The following ST3GAL1 variants were observed in gnomAD, a reference collection of about 807,000 sequenced individuals.
The protein encoded by ST3GAL1 is ST3 beta-galactoside alpha-2,3-sialyltransferase 1.
A neutral mutation model predicts 34.1 loss-of-function variants in ST3GAL1; 16 were observed. The observed-to-expected ratio is 0.47, with a 90% CI of 0.32 to 0.71. The LOEUF (loss-of-function observed/expected upper bound fraction) is 0.71, where lower values mean the gene tolerates loss of function less well. ST3GAL1 is among the 30% of genes least tolerant of loss of function. ST3GAL1 has a pLI of 0.04. For synonymous variants in ST3GAL1, 191 were observed against 184.7 expected (o/e 1.03, Z -0.28); for missense variants, 353 against 447.4 (o/e 0.79, Z 1.90).
At chr8:133,566,474 CA>C (rs369139692) in intron 1 of ST3GAL1, among the ~76,000 whole-genome samples, 56 of 152,284 alleles carry the variant, frequency 3.7e-4, no homozygotes, top group African/African-American at 1.3e-3. Context: ...GGGACTCCCG[CA>C]TGCACAACTC....
At chr8:133,504,742 G>A (rs1817283662) in intron 2 of ST3GAL1, among the ~76,000 whole-genome samples, 1 of 152,194 alleles carries the variant, frequency 6.6e-6, no homozygotes, top group Non-Finnish European at 1.5e-5. Context: ...GCTGGGCAGG[G>A]AAGGCTTCGG....
At chr8:133,520,120 T>A (rs1383564532) in intron 2 of ST3GAL1, among the ~76,000 whole-genome samples, 3 of 152,082 alleles carry the variant, frequency 2.0e-5, no homozygotes, top group African/African-American at 7.2e-5. Context: ...CCAGGTAACG[T>A]TTGTGGGGGC....
rs568277934 is a variant in ST3GAL1 at position 133,480,707 on chromosome 8, GCAGA to G, written c.-373-4111_-373-4108del. ...GTCACACAGCAAAATGGTAGCAAAG[GCAGA>G]CTCCTGCCTTCTCCTGTGGCTTTCT... On this transcript the variant is annotated intron_variant, in intron 3 of 9. Coordinates refer to ENST00000522652, the MANE Select transcript of ST3GAL1 (RefSeq NM_173344.3). 2.2e-4 allele frequency among the ~76,000 whole-genome samples: 33 copies of G among 152,256 alleles called. No homozygotes were observed. The South Asian group carries it at 2.3e-3, about 11-fold the overall frequency.
chr8:133,530,984 G>A (rs1818134989), intron 2 of ST3GAL1, among the ~76,000 whole-genome samples: 1 of 152,118 alleles, frequency 6.6e-6, no homozygotes. Context: ...TGAGGGCAGG[G>A]GTCCGCAGAC....
chr8:133,494,095 G>A (rs986301067), intron 3 of ST3GAL1, among the ~76,000 whole-genome samples: 3 of 152,162 alleles, frequency 2.0e-5, no homozygotes, highest in East Asian at 1.9e-4. Flanking sequence ...AAACCTAGAA[G>A]GATAAATTAT....
chr8:133,491,828 A>G (rs1249014116), intron 3 of ST3GAL1, among the ~76,000 whole-genome samples: 4 of 152,160 alleles, frequency 2.6e-5, no homozygotes, highest in Non-Finnish European at 5.9e-5. Flanking sequence ...CACGGTGTCC[A>G]GTTGGATCAC....
chr8:133,540,842 C>CATATATAGAGACAT lies in ST3GAL1; in HGVS notation c.-429+4931_-429+4932insATGTCTCTATATAT, dbSNP rs1478666797. On this transcript the variant is annotated intron_variant, in intron 2 of 9. Coordinates refer to ENST00000522652, the MANE Select transcript of ST3GAL1 (RefSeq NM_173344.3). ...ATATATAGACATATATATAGAGAGA[C>CATATATAGAGACAT]ATATATATAGAGACATATATATAGA... Among the ~76,000 whole-genome samples the CATATATAGAGACAT allele has an allele frequency of 2.5e-5, 2 of 78,590 alleles. 1 individual carries two copies. The highest frequency in any genetic ancestry group is 9.6e-5 in the African/African-American group (2 of 20,858). 51.6% of individuals were successfully genotyped at this position (78,590 alleles called of 152,430 possible). A position where few individuals can be genotyped will look rare whatever the true frequency, so the allele number is the denominator to read the frequency against.
intron 2 of ST3GAL1, among the ~76,000 whole-genome samples, chr8:133,515,184 G>C (rs1287496394): frequency 6.6e-6 from 1 of 152,202 alleles, no homozygotes; most frequent in Non-Finnish European, 1.5e-5. Flanking sequence ...TCTTGCAAGA[G>C]AGCTCGCTCC....
chr8:133,484,060 T>C (rs989726557), intron 3 of ST3GAL1, among the ~76,000 whole-genome samples: 13 of 152,120 alleles, frequency 8.5e-5, no homozygotes, highest in Admixed American at 8.5e-4. Context: ...CATCTCTTTT[T>C]TTGCATTGTT....
Position 133,466,173 on chromosome 8 carries a change from C to A in ST3GAL1, c.307-83G>T. 2 of 1,425,848 alleles carry A rather than the reference C, an allele frequency of 1.4e-6. No homozygotes were observed. The highest frequency in any genetic ancestry group is 2.3e-5 in the East Asian group (1 of 42,650). The allele number at this position is 1,425,848 out of a possible 1,614,324, so 88.3% of individuals were successfully genotyped here. Reference sequence around the variant, plus strand: ...GCAGAGCCCCTGAGCTACCTGCTGTCGTTTACTGGGGCCCTCCTGTTCACC... The same window carrying A: ...GCAGAGCCCCTGAGCTACCTGCTGTAGTTTACTGGGGCCCTCCTGTTCACC... On this transcript the variant is annotated intron_variant, in intron 5 of 9. Coordinates refer to ENST00000522652, the MANE Select transcript of ST3GAL1 (RefSeq NM_173344.3). This position sits in a 1 kb window ranked among gnomAD's most constrained non-coding sequence, Gnocchi z 4.4.
intron 2 of ST3GAL1, among the ~76,000 whole-genome samples, chr8:133,528,462 T>C (rs573186741): frequency 3.3e-4 from 51 of 152,350 alleles, no homozygotes; most frequent in African/African-American, 1.2e-3. Flanking sequence ...GAAGAGTCTC[T>C]GTCCAGTGAT....
chr8:133,492,154 G>A (rs928593700), intron 3 of ST3GAL1, among the ~76,000 whole-genome samples: 1 of 152,112 alleles, frequency 6.6e-6, no homozygotes, highest in African/African-American at 2.4e-5. Context: ...GCAAGCAGGT[G>A]GGAGAACAGA....
At position 133,476,021 on chromosome 8, in the gene ST3GAL1, C is replaced by T. The variant is rs373146178; in HGVS notation, c.4G>A (p.Val2Met). 2.5e-5 allele frequency: 39 copies of T among 1,582,502 alleles called. No individual in the cohort carries two copies. Among genetic ancestry groups the T allele is most frequent in the Non-Finnish European group, 2.8e-5 (33 of 1,162,764 alleles). The change falls in exon 5 of 10, where the codon GTG becomes ATG. Residue 2 changes from valine to methionine, a missense_variant. Physicochemically the swap from Val to Met is conservative, Grantham distance 21. Transcript: ENST00000522652. M[V>M]TLRKRTLKVL... The stretch of plus-strand genomic sequence containing the variant: ...TTCAGGGTCCTCTTCCGCAGGGTCA[C>T]CATCTTCGCAGTCCTGATGGTGGCC...
chr8:133,493,914 A>T (rs1160273077), intron 3 of ST3GAL1, among the ~76,000 whole-genome samples: 2 of 150,410 alleles, frequency 1.3e-5, no homozygotes, highest in Admixed American at 6.6e-5. Flanking sequence ...TGGGGTTCTG[A>T]CTCTTTTCAC....
At chr8:133,549,108 T>C (rs1818751135) in intron 1 of ST3GAL1, among the ~76,000 whole-genome samples, 1 of 152,240 alleles carries the variant, frequency 6.6e-6, no homozygotes, top group African/African-American at 2.4e-5. Flanking sequence ...TGCCATAAGA[T>C]ATAAGGCAGT....
intron 2 of ST3GAL1, among the ~76,000 whole-genome samples, chr8:133,503,077 TCA>T (rs1407850457): frequency 3.3e-5 from 5 of 152,174 alleles, no homozygotes; most frequent in African/African-American, 1.2e-4. Context: ...CTGAGAAAAT[TCA>T]CAGAGCATTG....
intron 2 of ST3GAL1, among the ~76,000 whole-genome samples, chr8:133,525,205 G>A (rs115071526): frequency 1.3e-3 from 204 of 152,284 alleles, no homozygotes; most frequent in African/African-American, 4.5e-3. Flanking sequence ...CAGGCAGGTC[G>A]TCCCAGTGAA....
intron 3 of ST3GAL1, among the ~76,000 whole-genome samples, chr8:133,492,798 G>A (rs1445229961): frequency 1.3e-5 from 2 of 152,140 alleles, no homozygotes; most frequent in Admixed American, 6.6e-5. Flanking sequence ...TCTACCTTTC[G>A]GCCTCAGCTG....
At chr8:133,512,300 C>T (rs975062856) in intron 2 of ST3GAL1, among the ~76,000 whole-genome samples, 2 of 152,120 alleles carry the variant, frequency 1.3e-5, no homozygotes, top group East Asian at 3.8e-4. Flanking sequence ...GTCCGATGTT[C>T]GAGGGCAGGA....
Sources: allele counts gnomAD v4.1 joint callset (sites outside exome capture counted in the v4.1 genomes callset), GRCh38; gene constraint gnomAD v4.1.1; non-coding constraint Gnocchi (gnomAD v3.1); transcripts MANE v1.5; gene names NCBI Gene and HGNC (gene_info 2026-07-23, HGNC 2026-07-21).